Variants in PAPPA observed in about 807,000 individuals in gnomAD.
PAPPA encodes the protein pappalysin 1.
PAPPA carries 60 observed loss-of-function variants against 164.0 expected under a neutral mutation model. The observed-to-expected ratio is 0.37, with a 90% confidence interval of 0.30 to 0.45. The LOEUF (loss-of-function observed/expected upper bound fraction) is 0.45. Ranked by LOEUF, PAPPA falls within the 20% of genes least tolerant of loss-of-function variation. The pLI, the probability that PAPPA is intolerant of heterozygous loss-of-function variation, is 1.00. For missense variants in PAPPA, 1,782 were observed against 2,087.3 expected (o/e 0.85, Z 2.85); for synonymous variants, 875 against 814.1 (o/e 1.07, Z -1.27).
intron 10 of PAPPA, among the ~76,000 whole-genome samples, chr9:116,305,134 GACACACAC>G (rs57723920): frequency 0.028 from 3,656 of 129,946 alleles, 60 homozygotes; most frequent in Middle Eastern, 0.049. Flanking sequence ...TGGGCACACA[GACACACAC>G]ACACACACAC....
intron 1 of PAPPA, among the ~76,000 whole-genome samples, chr9:116,173,584 GT>G (rs1206214132): frequency 6.6e-6 from 1 of 152,170 alleles, no homozygotes; most frequent in Non-Finnish European, 1.5e-5. Context: ...GACAGCCATT[GT>G]ACTTCATTTC....
intron 7 of PAPPA, among the ~76,000 whole-genome samples, chr9:116,263,985 C>CA (rs1353412504): frequency 2.6e-5 from 4 of 152,182 alleles, no homozygotes; most frequent in Non-Finnish European, 4.4e-5. Flanking sequence ...TGGATAGCCC[C>CA]AGTGGACTGG....
intron 3 of PAPPA, among the ~76,000 whole-genome samples, chr9:116,209,040 C>T (rs896282022): frequency 7.2e-5 from 11 of 152,176 alleles, no homozygotes; most frequent in Admixed American, 1.3e-4. Flanking sequence ...TCCACAATGT[C>T]CACTACAAAG....
chr9:116,319,111 C>T (rs560282806), intron 10 of PAPPA, among the ~76,000 whole-genome samples: 77 of 152,210 alleles, frequency 5.1e-4, no homozygotes, highest in Non-Finnish European at 1.0e-3. Context: ...AAGTCTTTCA[C>T]TGCTGGGTCA....
intron 7 of PAPPA, among the ~76,000 whole-genome samples, chr9:116,252,074 C>T (rs927848118): frequency 2.0e-5 from 3 of 152,342 alleles, no homozygotes; most frequent in African/African-American, 7.2e-5. Flanking sequence ...GCCTTGGCTG[C>T]AAACTGTTAG....
At chr9:116,206,340 C>T (rs750597089) in intron 2 of PAPPA, among the ~76,000 whole-genome samples, 1 of 152,086 alleles carries the variant, frequency 6.6e-6, no homozygotes, top group Non-Finnish European at 1.5e-5. Flanking sequence ...GGCCTTGACA[C>T]GCTAGATCTC....
chr9:116,362,330 C>T (rs567610837), intron 17 of PAPPA, among the ~76,000 whole-genome samples: 4 of 152,126 alleles, frequency 2.6e-5, no homozygotes, highest in Non-Finnish European at 4.4e-5. Context: ...CTACTAAGCT[C>T]GGACTTGGGA....
At chr9:116,387,289 A>G (rs1212036736) in intron 21 of PAPPA, among the ~76,000 whole-genome samples, 1 of 152,190 alleles carries the variant, frequency 6.6e-6, no homozygotes, top group African/African-American at 2.4e-5. Context: ...GGGATTTAGG[A>G]TTTCCTAACT....
At chr9:116,297,236 C>G (rs1490751463) in intron 9 of PAPPA, among the ~76,000 whole-genome samples, 3 of 152,142 alleles carry the variant, frequency 2.0e-5, no homozygotes, top group African/African-American at 7.2e-5. Flanking sequence ...AGACTTATAG[C>G]CAAAATACCT....
intron 2 of PAPPA, among the ~76,000 whole-genome samples, chr9:116,196,099 C>G (rs1844100532): frequency 6.6e-6 from 1 of 152,118 alleles, no homozygotes; most frequent in African/African-American, 2.4e-5. Context: ...GTGCTCAGGA[C>G]TACACCAACC....
At chr9:116,178,461 C>A (rs1843863031) in intron 1 of PAPPA, among the ~76,000 whole-genome samples, 2 of 152,262 alleles carry the variant, frequency 1.3e-5, no homozygotes, top group South Asian at 4.2e-4. Flanking sequence ...TACAACAATC[C>A]CATTCTATGC....
At chr9:116,308,962 A>T (rs984816629) in intron 10 of PAPPA, among the ~76,000 whole-genome samples, 3 of 152,230 alleles carry the variant, frequency 2.0e-5, no homozygotes, top group Non-Finnish European at 2.9e-5. Context: ...ATAAATGCAC[A>T]AATAGGAAGA....
Position 116,212,036 on chromosome 9 carries a change from T to C in PAPPA, c.1918+104T>C, listed in dbSNP as rs1023729477. On this transcript the variant is annotated intron_variant, in intron 4 of 21. Transcript: ENST00000328252. Reference sequence around the variant, plus strand: ...ACAAGCTACTTACCATTTCTAAGGATGGAAGGCCTAGCTCTGCCACTTATC... The same window carrying C: ...ACAAGCTACTTACCATTTCTAAGGACGGAAGGCCTAGCTCTGCCACTTATC... The C allele has an allele frequency of 3.0e-6, 3 of 992,862 alleles. No homozygotes were observed. The African/African-American group carries it at 4.8e-5, about 16-fold the overall frequency. 61.5% of individuals were successfully genotyped at this position (992,862 alleles called of 1,614,324 possible). A position where few individuals can be genotyped will look rare whatever the true frequency, so the allele number is the denominator to read the frequency against.
intron 21 of PAPPA, among the ~76,000 whole-genome samples, chr9:116,384,046 G>A (rs1272414624): frequency 3.3e-5 from 5 of 151,958 alleles, no homozygotes; most frequent in African/African-American, 1.2e-4. Flanking sequence ...GGGTATTTTT[G>A]TCGTCTGTGT....
intron 9 of PAPPA, among the ~76,000 whole-genome samples, chr9:116,295,509 G>A (rs1236266325): frequency 2.2e-5 from 3 of 139,084 alleles, no homozygotes; most frequent in South Asian, 4.5e-4. Flanking sequence ...AGCCAAGATC[G>A]CACCATTGCA....
intron 13 of PAPPA, among the ~76,000 whole-genome samples, chr9:116,338,903 G>C (rs572904070): frequency 6.6e-6 from 1 of 152,288 alleles, no homozygotes. Context: ...ATAGACCTCT[G>C]TTGTTTTGTT....
intron 3 of PAPPA, among the ~76,000 whole-genome samples, chr9:116,211,010 A>C (rs887677176): frequency 6.6e-6 from 1 of 152,236 alleles, no homozygotes; most frequent in African/African-American, 2.4e-5. Flanking sequence ...GTCATTAATC[A>C]TAGAACGTTG....
At chr9:116,184,361 C>A (rs1275113415) in intron 1 of PAPPA, among the ~76,000 whole-genome samples, 1 of 152,120 alleles carries the variant, frequency 6.6e-6, no homozygotes, top group Non-Finnish European at 1.5e-5. Flanking sequence ...GAAGGGTTTG[C>A]CAGTGGGTTT....
intron 1 of PAPPA, among the ~76,000 whole-genome samples, chr9:116,159,928 C>T (rs1478343872): frequency 6.6e-6 from 1 of 152,182 alleles, no homozygotes; most frequent in Non-Finnish European, 1.5e-5. Context: ...ATGATCCCCT[C>T]TAAATGGTCT....
Sources: allele counts gnomAD v4.1 joint callset (sites outside exome capture counted in the v4.1 genomes callset), GRCh38; gene constraint gnomAD v4.1.1; transcripts MANE v1.5; gene names NCBI Gene and HGNC (gene_info 2026-07-23, HGNC 2026-07-21).